Variants in LUZP2 observed in about 807,000 individuals in gnomAD.
The protein encoded by LUZP2 is leucine zipper protein 2.
In LUZP2, 52 loss-of-function variants were observed where a neutral mutation model predicts 51.6. That is an observed-to-expected ratio of 1.01 (90% CI 0.81 to 1.27). LUZP2 has a LOEUF of 1.27. Ranked by LOEUF, LUZP2 falls within the 50% of genes most tolerant of loss-of-function variation. The pLI is 0.00. For missense variants in LUZP2, 436 were observed against 395.4 expected (o/e 1.10, Z -0.87); for synonymous variants, 154 against 137.3 (o/e 1.12, Z -0.85).
chr11:24,916,628 T>G (rs1480166300), intron 7 of LUZP2, among the ~76,000 whole-genome samples: 2 of 152,102 alleles, frequency 1.3e-5, no homozygotes, highest in Non-Finnish European at 2.9e-5. Flanking sequence ...AATGATAGTT[T>G]CCAGCTTCAT....
In LUZP2 at chr11:25,018,916, C is replaced by G. The variant is rs570913074; in HGVS notation, c.766-31122C>G. Among the ~76,000 whole-genome samples the G allele has an allele frequency of 1.3e-4, 20 of 152,180 alleles. No individual in the cohort carries two copies. In the South Asian group the frequency reaches 3.3e-3, roughly 25 times the overall value. Reference sequence around the variant, plus strand: ...AGCCAATAAGTCCAGCCTTATCTTCCCTTTAAATGACTTTATTTTTTAGAA... The same window carrying G: ...AGCCAATAAGTCCAGCCTTATCTTCGCTTTAAATGACTTTATTTTTTAGAA... On this transcript the variant is annotated intron_variant, in intron 9 of 11. Coordinates refer to ENST00000336930, the MANE Select transcript of LUZP2 (RefSeq NM_001009909.4).
At chr11:24,862,461 C>T (rs1851769077) in intron 5 of LUZP2, among the ~76,000 whole-genome samples, 1 of 152,100 alleles carries the variant, frequency 6.6e-6, no homozygotes, top group Non-Finnish European at 1.5e-5. Flanking sequence ...AATACAAAGA[C>T]TAATGACACT....
intron 1 of LUZP2, among the ~76,000 whole-genome samples, chr11:24,657,149 T>C (rs1370185138): frequency 1.3e-5 from 2 of 152,124 alleles, no homozygotes; most frequent in Non-Finnish European, 2.9e-5. Context: ...AGAAACCTAC[T>C]TAGAAGGCTA....
At chr11:24,753,210 A>G (rs1005263401) in intron 4 of LUZP2, among the ~76,000 whole-genome samples, 9 of 152,164 alleles carry the variant, frequency 5.9e-5, no homozygotes, top group Non-Finnish European at 2.9e-5. Flanking sequence ...TGATAATTTT[A>G]TTTTATTTTA....
At chr11:24,506,332 T>G (rs1850144822) in intron 1 of LUZP2, among the ~76,000 whole-genome samples, 1 of 151,994 alleles carries the variant, frequency 6.6e-6, no homozygotes, top group African/African-American at 2.4e-5. Flanking sequence ...AACTAAGCAT[T>G]GGGCAGGAAA....
intron 9 of LUZP2, among the ~76,000 whole-genome samples, chr11:24,992,495 G>A (rs1856379339): frequency 6.6e-6 from 1 of 152,034 alleles, no homozygotes; most frequent in African/African-American, 2.4e-5. Flanking sequence ...TGAAGCATAA[G>A]CTCCATGAAA....
In LUZP2 at chr11:24,587,972, C is replaced by T. The variant is rs1235673910; in HGVS notation, c.62+90667C>T. Among the ~76,000 whole-genome samples, 6 of 151,880 alleles carry T rather than the reference C, an allele frequency of 4.0e-5. No homozygotes were observed. In the East Asian group the frequency reaches 1.2e-3, roughly 29 times the overall value. The stretch of plus-strand genomic sequence containing the variant: ...AGATCATCCAGTAGAGATGTTCACC[C>T]CTGACCACCCCTATTAGTTCAAGGT... On this transcript the variant is annotated intron_variant, in intron 1 of 11. Transcript: ENST00000336930.
chr11:24,759,675 TAA>T (rs1859910581), intron 4 of LUZP2, among the ~76,000 whole-genome samples: 1 of 152,114 alleles, frequency 6.6e-6, no homozygotes. Context: ...GTGACATAAC[TAA>T]AGACAAATCT....
intron 1 of LUZP2, among the ~76,000 whole-genome samples, chr11:24,679,826 C>T (rs1856674924): frequency 6.6e-6 from 1 of 152,112 alleles, no homozygotes; most frequent in South Asian, 2.1e-4. Context: ...GTATCTGCCA[C>T]CAGAATATAA....
intron 7 of LUZP2, among the ~76,000 whole-genome samples, chr11:24,942,518 T>A (rs1854782618): frequency 6.6e-6 from 1 of 152,218 alleles, no homozygotes; most frequent in East Asian, 1.9e-4. Context: ...AAGTGGCTGT[T>A]CACGTGTTTT....
intron 1 of LUZP2, among the ~76,000 whole-genome samples, chr11:24,658,425 C>G (rs936198282): frequency 2.0e-5 from 3 of 152,114 alleles, no homozygotes; most frequent in African/African-American, 7.2e-5. Context: ...AAAATTAATT[C>G]AAGATGGATT....
At chr11:24,916,659 T>A (rs1249929380) in intron 7 of LUZP2, among the ~76,000 whole-genome samples, 2 of 152,158 alleles carry the variant, frequency 1.3e-5, no homozygotes, top group Non-Finnish European at 2.9e-5. Flanking sequence ...ACAAAGGACA[T>A]GAACTCATCT....
intron 9 of LUZP2, among the ~76,000 whole-genome samples, chr11:25,046,113 T>G (rs1858298020): frequency 1.3e-5 from 2 of 152,070 alleles, no homozygotes; most frequent in South Asian, 4.1e-4. Context: ...GTTCCAAGGC[T>G]TCTAATGACC....
intron 7 of LUZP2, among the ~76,000 whole-genome samples, chr11:24,939,950 G>A (rs1469024057): frequency 6.6e-6 from 1 of 151,948 alleles, no homozygotes; most frequent in African/African-American, 2.4e-5. Flanking sequence ...AGCCAATGAG[G>A]GCTGGCCAGT....
At chr11:24,726,521 C>T (rs2133961180) in intron 1 of LUZP2, among the ~76,000 whole-genome samples, 1 of 151,720 alleles carries the variant, frequency 6.6e-6, no homozygotes, top group African/African-American at 2.4e-5. Context: ...ACCTCCCACC[C>T]TACTCCCCCC....
intron 1 of LUZP2, among the ~76,000 whole-genome samples, chr11:24,581,101 G>A (rs1433797697): frequency 6.7e-6 from 1 of 149,296 alleles, no homozygotes; most frequent in Non-Finnish European, 1.5e-5. Flanking sequence ...GTTCTAGCAA[G>A]TTAGATCCCT....
intron 1 of LUZP2, among the ~76,000 whole-genome samples, chr11:24,572,721 G>A (rs1368203889): frequency 1.3e-5 from 2 of 152,126 alleles, no homozygotes; most frequent in East Asian, 3.9e-4. Flanking sequence ...TATCCTCAGT[G>A]CCTAATCATT....
chr11:25,024,707 A>G (rs1226673369), intron 9 of LUZP2, among the ~76,000 whole-genome samples: 1 of 151,954 alleles, frequency 6.6e-6, no homozygotes, highest in Non-Finnish European at 1.5e-5. Context: ...TATTGCGAAA[A>G]TGGCCAAACT....
At chr11:24,572,539 A>G (rs887466477) in intron 1 of LUZP2, among the ~76,000 whole-genome samples, 1 of 152,050 alleles carries the variant, frequency 6.6e-6, no homozygotes, top group Admixed American at 6.6e-5. Context: ...CTAATGTGAC[A>G]ATGCACAAAC....
Sources: gnomAD v4.1 joint callset for allele counts (sites outside exome capture counted in the v4.1 genomes callset) on GRCh38, gnomAD v4.1.1 for gene constraint, MANE v1.5 for transcripts, NCBI Gene and HGNC (gene_info 2026-07-23, HGNC 2026-07-21) for gene names.